SCAPER: variants seen among roughly 807,000 people sequenced by gnomAD.
The protein encoded by SCAPER is S-phase cyclin A associated protein in the ER.
SCAPER carries 98 observed loss-of-function variants against 182.2 expected under a neutral mutation model. That is an observed-to-expected ratio of 0.54 (90% CI 0.46 to 0.64). The LOEUF is 0.64. SCAPER is among the 30% of genes least tolerant of loss of function. The pLI, the probability that SCAPER is intolerant of heterozygous loss-of-function variation, is 0.00. For synonymous variants in SCAPER, 605 were observed against 564.6 expected, an observed-to-expected ratio of 1.07 and a Z score of -1.01; for missense variants, 1,432 against 1,690.0, an observed-to-expected ratio of 0.85 and a Z score of 2.68.
At chr15:76,353,110 C>G (rs2040701964) in intron 30 of SCAPER, among the ~76,000 whole-genome samples, 1 of 152,086 alleles carries the variant, frequency 6.6e-6, no homozygotes, top group South Asian at 2.1e-4. Flanking sequence ...CAGCTGGGTA[C>G]TATCATATCC....
chr15:76,784,525 G>GA (rs1233148398), intron 8 of SCAPER, among the ~76,000 whole-genome samples: 4 of 152,086 alleles, frequency 2.6e-5, no homozygotes, highest in African/African-American at 9.7e-5. Flanking sequence ...TACAGAATTG[G>GA]AAAAAACTAC....
chr15:76,506,424 A>T (rs2041589072), intron 23 of SCAPER, among the ~76,000 whole-genome samples: 1 of 152,096 alleles, frequency 6.6e-6, no homozygotes, highest in Non-Finnish European at 1.5e-5. Context: ...TAGAAAAAAA[A>T]ATGAGTGGCT....
intron 22 of SCAPER, among the ~76,000 whole-genome samples, chr15:76,592,078 T>C (rs2049158528): frequency 6.6e-6 from 1 of 151,878 alleles, no homozygotes; most frequent in African/African-American, 2.4e-5. Context: ...TGTATATCTA[T>C]CTATCTATCT....
At chr15:76,738,529 G>A (rs921447192) in intron 15 of SCAPER, among the ~76,000 whole-genome samples, 35 of 112,928 alleles carry the variant, frequency 3.1e-4, no homozygotes, top group Admixed American at 3.1e-3. Flanking sequence ...GCAACAAAGC[G>A]AGACTCTGTC....
intron 15 of SCAPER, among the ~76,000 whole-genome samples, chr15:76,747,098 C>G (rs1410947715): frequency 6.6e-6 from 1 of 152,122 alleles, no homozygotes; most frequent in Non-Finnish European, 1.5e-5. Flanking sequence ...CTCACTGTTC[C>G]CATTTCAAAG....
intron 27 of SCAPER, among the ~76,000 whole-genome samples, chr15:76,393,579 A>G (rs112390737): frequency 1.3e-5 from 2 of 152,310 alleles, no homozygotes; most frequent in African/African-American, 4.8e-5. Flanking sequence ...ATATTTTTCA[A>G]GTATAACCAC....
intron 1 of SCAPER, among the ~76,000 whole-genome samples, chr15:76,891,730 C>G (rs1180683946): frequency 4.6e-5 from 7 of 152,094 alleles, no homozygotes; most frequent in Admixed American, 3.3e-4. Context: ...ATGAAAATGG[C>G]CATACTGTCC....
At chr15:76,561,821 GTATTAGT>G (rs1222635213) in intron 23 of SCAPER, among the ~76,000 whole-genome samples, 131 of 111,114 alleles carry the variant, frequency 1.2e-3, no homozygotes, top group African/African-American at 4.1e-3. Context: ...TTGCCTCCTA[GTATTAGT>G]TTTTTTTTTT....
chr15:76,559,355 C>G (rs1327562839), intron 23 of SCAPER, among the ~76,000 whole-genome samples: 1 of 151,848 alleles, frequency 6.6e-6, no homozygotes, highest in Non-Finnish European at 1.5e-5. Context: ...TGCACCCGGC[C>G]GAGATCTGAT....
chr15:76,449,695 A>G (rs1327409466), intron 25 of SCAPER, among the ~76,000 whole-genome samples: 1 of 152,118 alleles, frequency 6.6e-6, no homozygotes, highest in Non-Finnish European at 1.5e-5. Flanking sequence ...GTTTTCCTCC[A>G]CGCCTCTTGC....
intron 17 of SCAPER, among the ~76,000 whole-genome samples, chr15:76,708,953 C>T (rs1191432824): frequency 6.6e-6 from 1 of 152,126 alleles, no homozygotes; most frequent in East Asian, 1.9e-4. Flanking sequence ...ATCATCCCAG[C>T]TACTTGGCAG....
chr15:76,385,095 C>T (rs1596376542), intron 27 of SCAPER: 2 of 152,270 alleles, frequency 1.3e-5, no homozygotes, highest in Non-Finnish European at 2.9e-5. Context: ...TTCTGTTTAT[C>T]AAAAGCTAGA....
chr15:76,766,390 C>A (rs991590695), intron 11 of SCAPER, among the ~76,000 whole-genome samples: 1 of 152,158 alleles, frequency 6.6e-6, no homozygotes, highest in Non-Finnish European at 1.5e-5. Flanking sequence ...CCACCACACC[C>A]AGCCTACTTT....
intron 20 of SCAPER, among the ~76,000 whole-genome samples, chr15:76,687,383 T>C (rs1259403059): frequency 2.5e-4 from 38 of 152,176 alleles, no homozygotes. Flanking sequence ...CTCTTACCAT[T>C]ATCCGATAAA....
Position 76,511,883 on chromosome 15 carries a change from ATAT to A in SCAPER, c.2839-6912_2839-6910del, listed in dbSNP as rs372345219. 1.3e-3 allele frequency among the ~76,000 whole-genome samples: 149 copies of A among 112,034 alleles called. 1 individual carries two copies. Among genetic ancestry groups the A allele is most frequent in the East Asian group, 1.9e-3 (8 of 4,120 alleles). 73.5% of individuals were successfully genotyped at this position (112,034 alleles called of 152,430 possible). On this transcript the variant is annotated intron_variant, in intron 23 of 31. Coordinates refer to ENST00000563290, the MANE Select transcript of SCAPER (RefSeq NM_020843.4). ...TGTGTGTGTGTGTGTATATATATAT[ATAT>A]TTTTTTTTTTTTTTGAGATGGAGTC...
chr15:76,657,144 C>T (rs2055716563), intron 21 of SCAPER, among the ~76,000 whole-genome samples: 1 of 151,970 alleles, frequency 6.6e-6, no homozygotes, highest in African/African-American at 2.4e-5. Context: ...GACTGATAGA[C>T]CACTAGCTAG....
chr15:76,383,288 C>G (rs984641352), intron 27 of SCAPER, among the ~76,000 whole-genome samples: 1 of 152,188 alleles, frequency 6.6e-6, no homozygotes, highest in Admixed American at 6.5e-5. Flanking sequence ...TTGAGAGGTG[C>G]TGACTGGCAA....
chr15:76,677,846 T>C (rs1024341449), intron 20 of SCAPER, among the ~76,000 whole-genome samples: 7 of 151,708 alleles, frequency 4.6e-5, no homozygotes, highest in Non-Finnish European at 1.0e-4. Context: ...TTCCCATATT[T>C]CCTATTTTTT....
chr15:76,648,907 T>C (rs964903740), intron 21 of SCAPER, among the ~76,000 whole-genome samples: 12 of 152,186 alleles, frequency 7.9e-5, no homozygotes, highest in Non-Finnish European at 2.9e-5. Context: ...ACCAGCCAGG[T>C]AGAGACCCTA....
Sources: allele counts gnomAD v4.1 joint callset (sites outside exome capture counted in the v4.1 genomes callset), GRCh38; gene constraint gnomAD v4.1.1; transcripts MANE v1.5; gene names NCBI Gene and HGNC (gene_info 2026-07-23, HGNC 2026-07-21).